Variants in ESF1 observed in about 807,000 individuals in gnomAD.
The protein encoded by ESF1 is ESF1 nucleolar pre-rRNA processing protein.
Under a neutral mutation model 92.0 loss-of-function variants are expected in ESF1, and 58 were observed. The observed-to-expected ratio is 0.63, with a 90% CI of 0.51 to 0.78. The LOEUF (loss-of-function observed/expected upper bound fraction) is 0.78, where lower values mean the gene tolerates loss of function less well. Ranked by LOEUF, ESF1 falls within the 30% of genes least tolerant of loss-of-function variation. The pLI is 0.00. For missense variants in ESF1, 922 were observed against 989.1 expected, an observed-to-expected ratio of 0.93 and a Z score of 0.91; for synonymous variants, 321 against 313.7, an observed-to-expected ratio of 1.02 and a Z score of -0.24.
intron 2 of ESF1, among the ~76,000 whole-genome samples, chr20:13,777,409 C>T (rs1979993247): frequency 6.6e-6 from 1 of 152,086 alleles, no homozygotes; most frequent in African/African-American, 2.4e-5. Flanking sequence ...GGAGGGAAAT[C>T]ATGAGTTCAG....
chr20:13,741,178 ACTCT>A (rs2050011266), intron 9 of ESF1, among the ~76,000 whole-genome samples: 1 of 151,920 alleles, frequency 6.6e-6, no homozygotes, highest in Non-Finnish European at 1.5e-5. Flanking sequence ...TTCCCTGCCA[ACTCT>A]CTATCACTAA....
At chr20:13,733,594 AT>A (rs2147733453) in intron 10 of ESF1, 126 bp downstream of exon 10, 1 of 977,080 alleles carries the variant, frequency 1.0e-6, no homozygotes, top group South Asian at 2.2e-5. Flanking sequence ...CTTTCTTAAA[AT>A]TGGGATGATA....
chr20:13,738,457 T>G (rs2049990602), intron 9 of ESF1, among the ~76,000 whole-genome samples: 2 of 151,974 alleles, frequency 1.3e-5, no homozygotes, highest in African/African-American at 4.8e-5. Context: ...GGACCACAGG[T>G]GTGCATCACC....
At chr20:13,721,670 C>T (rs980266469) in intron 11 of ESF1, among the ~76,000 whole-genome samples, 5 of 152,136 alleles carry the variant, frequency 3.3e-5, no homozygotes, top group East Asian at 1.9e-4. Flanking sequence ...TAAGTCCCTG[C>T]GAATACTCTT....
chr20:13,772,382 C>T, intron 5 of ESF1, 133 bp downstream of exon 5: 2 of 604,738 alleles, frequency 3.3e-6, no homozygotes, highest in South Asian at 2.4e-5. Context: ...GACTTTAAAT[C>T]TGTTTTGCAA....
chr20:13,731,890 C>T (rs1465773377), intron 10 of ESF1, among the ~76,000 whole-genome samples: 3 of 152,210 alleles, frequency 2.0e-5, no homozygotes, highest in African/African-American at 4.8e-5. Flanking sequence ...GATAGCTGGA[C>T]ACATGGAGGT....
At chr20:13,764,541 TA>T (rs1367937149) in intron 8 of ESF1, among the ~76,000 whole-genome samples, 1 of 152,158 alleles carries the variant, frequency 6.6e-6, no homozygotes, top group Non-Finnish European at 1.5e-5. Flanking sequence ...TCCCAAAACT[TA>T]ACTAATAGTC....
At chr20:13,731,213 C>T (rs2049940315) in intron 10 of ESF1, among the ~76,000 whole-genome samples, 1 of 152,116 alleles carries the variant, frequency 6.6e-6, no homozygotes, top group African/African-American at 2.4e-5. Flanking sequence ...CATGAGGGCC[C>T]ACTTGAGACA....
At chr20:13,771,287 T>C in intron 6 of ESF1, 44 bp downstream of exon 6, 1 of 1,515,488 alleles carries the variant, frequency 6.6e-7, no homozygotes, top group Non-Finnish European at 9.1e-7. Flanking sequence ...CTTATAATCA[T>C]GTTGTACTAA....
At chr20:13,781,274 A>G (rs576180895) in intron 2 of ESF1, among the ~76,000 whole-genome samples, 2 of 152,300 alleles carry the variant, frequency 1.3e-5, no homozygotes, top group East Asian at 3.8e-4. Context: ...TAATATGAAA[A>G]TAGTATTAGT....
At chr20:13,716,088 T>G (rs914285661) in intron 13 of ESF1, among the ~76,000 whole-genome samples, 1 of 152,212 alleles carries the variant, frequency 6.6e-6, no homozygotes, top group Non-Finnish European at 1.5e-5. Context: ...CAAATCCTTC[T>G]ATATGCTACT....
At chr20:13,772,702 C>T in intron 4 of ESF1, 87 bp from the exon 5 acceptor site, 1 of 886,492 alleles carries the variant, frequency 1.1e-6, no homozygotes, top group South Asian at 1.4e-5. Flanking sequence ...CTCTAAAAGT[C>T]ACAACTTGAC....
intron 8 of ESF1, among the ~76,000 whole-genome samples, chr20:13,762,109 T>C (rs1979227144): frequency 1.3e-5 from 2 of 152,162 alleles, no homozygotes; most frequent in Non-Finnish European, 2.9e-5. Flanking sequence ...AATTCATTTA[T>C]TTTTTCTTTT....
chr20:13,772,684 G>T, intron 4 of ESF1, 69 bp from the exon 5 acceptor site: 1 of 1,122,616 alleles, frequency 8.9e-7, no homozygotes, highest in Non-Finnish European at 1.3e-6. Flanking sequence ...ACCTGTCGAA[G>T]TCAGGAACTC....
chr20:13,766,215 T>C (rs555967261), intron 8 of ESF1, among the ~76,000 whole-genome samples: 7 of 152,246 alleles, frequency 4.6e-5, no homozygotes, highest in Admixed American at 2.0e-4. Flanking sequence ...GAAAACATAA[T>C]GGCTAAGAAT....
chr20:13,730,586 G>A (rs1219946375), intron 10 of ESF1, among the ~76,000 whole-genome samples: 6 of 151,604 alleles, frequency 4.0e-5, no homozygotes, highest in African/African-American at 9.7e-5. Context: ...GGGTTTCACT[G>A]TGTTAGCCAG....
intron 9 of ESF1, among the ~76,000 whole-genome samples, chr20:13,748,586 ATATATATT>A (rs1235122141): frequency 9.3e-5 from 8 of 85,764 alleles, no homozygotes; most frequent in South Asian, 3.4e-4. Context: ...ATATATATAT[ATATATATT>A]TTTTTTTTTT....
intron 1 of ESF1, among the ~76,000 whole-genome samples, chr20:13,784,665 G>A (rs1405665609): frequency 6.6e-6 from 1 of 152,060 alleles, no homozygotes; most frequent in Non-Finnish European, 1.5e-5. Flanking sequence ...CTGTACCGCA[G>A]GGGGGCAGCT....
intron 13 of ESF1, 113 bp downstream of exon 13, chr20:13,717,255 G>A (rs1035594212): frequency 3.3e-5 from 43 of 1,290,614 alleles, no homozygotes; most frequent in South Asian, 8.4e-5. Flanking sequence ...CCACTGCACC[G>A]GGCCCCTAAG....
Sources: allele counts gnomAD v4.1 joint callset (sites outside exome capture counted in the v4.1 genomes callset), GRCh38; gene constraint gnomAD v4.1.1; transcripts MANE v1.5; gene names NCBI Gene and HGNC (gene_info 2026-07-23, HGNC 2026-07-21).